The following PDE3B variants were observed in gnomAD, a reference collection of about 807,000 sequenced individuals.
PDE3B encodes phosphodiesterase 3B.
PDE3B carries 66 observed loss-of-function variants against 116.8 expected under a neutral mutation model. The observed-to-expected ratio is 0.56, with a 90% confidence interval of 0.46 to 0.69. PDE3B has a LOEUF of 0.69. Among genes scored for constraint, PDE3B ranks in the 30% least tolerant of loss-of-function variants. PDE3B has a pLI of 0.00. For synonymous variants in PDE3B, 595 were observed against 533.6 expected (o/e 1.12, Z -1.59); for missense variants, 1,384 against 1,368.1 (o/e 1.01, Z -0.18).
At chr11:14,647,967 C>T (rs1590027786) in intron 1 of PDE3B, among the ~76,000 whole-genome samples, 1 of 149,570 alleles carries the variant, frequency 6.7e-6, no homozygotes, top group African/African-American at 2.5e-5. Context: ...GATTTGAAGC[C>T]CAAATCTAGG....
At chr11:14,836,968 C>T (rs187841888) in intron 11 of PDE3B, among the ~76,000 whole-genome samples, 8 of 152,338 alleles carry the variant, frequency 5.3e-5, no homozygotes, top group Admixed American at 3.9e-4. Flanking sequence ...TGCACGCTGC[C>T]ATGCCTGGCT....
At chr11:14,831,848 A>T in intron 9 of PDE3B, 71 bp downstream of exon 9, 1 of 1,089,064 alleles carries the variant, frequency 9.2e-7, no homozygotes, top group Non-Finnish European at 1.4e-6. Context: ...AGCAAAATCT[A>T]ATATGTAATG....
chr11:14,643,927 G>T lies in PDE3B; in HGVS notation c.-149G>T. 1 of 1,202,142 alleles carries T rather than the reference G, an allele frequency of 8.3e-7. No individual in the cohort carries two copies. The highest frequency in any genetic ancestry group is 1.1e-6 in the Non-Finnish European group (1 of 925,698). The allele number at this position is 1,202,142 out of a possible 1,614,324, so 74.5% of individuals were successfully genotyped here. ...CCGCCGCTCCTCAGTCCGCGCGGTGGGGACCCCGGGCCGTGGCGGCCGGCG... is the reference window on the plus strand; with the variant it reads ...CCGCCGCTCCTCAGTCCGCGCGGTGTGGACCCCGGGCCGTGGCGGCCGGCG... On this transcript the variant is annotated 5_prime_UTR_variant, in exon 1 of 16. Transcript: ENST00000282096.
intron 1 of PDE3B, among the ~76,000 whole-genome samples, chr11:14,672,654 G>A (rs1854407687): frequency 6.6e-6 from 1 of 152,094 alleles, no homozygotes; most frequent in Admixed American, 6.5e-5. Context: ...CTTCCTTTAT[G>A]TTGCTCTGCC....
chr11:14,892,019 G>A, the PDE3B span: 13 of 1,613,200 alleles, frequency 8.1e-6, no homozygotes, highest in South Asian at 1.3e-4. Flanking sequence ...ATGTAGACAT[G>A]GGGAAGCTCG....
At chr11:14,742,814 T>A (rs1856807961) in intron 1 of PDE3B, among the ~76,000 whole-genome samples, 1 of 152,094 alleles carries the variant, frequency 6.6e-6, no homozygotes, top group Non-Finnish European at 1.5e-5. Context: ...CTTCTGACAG[T>A]CAGGCCCCTA....
chr11:14,892,127 C>A, the PDE3B span: 1 of 1,611,588 alleles, frequency 6.2e-7, no homozygotes, highest in Non-Finnish European at 8.5e-7. Context: ...AGCTGGCGGA[C>A]CCCTAGCGCG....
At chr11:14,739,511 A>C (rs541757545) in intron 1 of PDE3B, among the ~76,000 whole-genome samples, 1 of 152,268 alleles carries the variant, frequency 6.6e-6, no homozygotes, top group East Asian at 1.9e-4. Flanking sequence ...GGCTGAGATG[A>C]TGGGTTTTTC....
chr11:14,730,560 C>T (rs1486423911), intron 1 of PDE3B, among the ~76,000 whole-genome samples: 1 of 152,134 alleles, frequency 6.6e-6, no homozygotes. Context: ...CATGATATTA[C>T]TCTGGATGTT....
rs958938537 is a variant in PDE3B at position 14,692,975 on chromosome 11, G to T, written c.978+47922G>T. 2.0e-5 allele frequency among the ~76,000 whole-genome samples: 3 copies of T among 152,186 alleles called. No individual in the cohort carries two copies. In the South Asian group the frequency reaches 6.2e-4, roughly 31 times the overall value. ...GTCAAGCTGTGAATGCAAAGGAAAAGTTCTTGAAGGAAATTAAAAGCGCTT... is the reference window on the plus strand; with the variant it reads ...GTCAAGCTGTGAATGCAAAGGAAAATTTCTTGAAGGAAATTAAAAGCGCTT... On this transcript the variant is annotated intron_variant, in intron 1 of 15. Transcript: ENST00000282096.
intron 12 of PDE3B, among the ~76,000 whole-genome samples, chr11:14,857,940 CTT>C (rs1348871147): frequency 6.6e-6 from 1 of 151,946 alleles, no homozygotes; most frequent in Non-Finnish European, 1.5e-5. Context: ...GAAGCTTACT[CTT>C]TCTGTTTGGT....
the PDE3B span, among the ~76,000 whole-genome samples, chr11:14,889,871 G>A: frequency 6.6e-6 from 1 of 152,152 alleles, no homozygotes; most frequent in Non-Finnish European, 1.5e-5. Context: ...GCTCACACCT[G>A]TAATCCCAGC....
intron 1 of PDE3B, among the ~76,000 whole-genome samples, chr11:14,685,446 CTTTTTTTTTTTTT>C (rs71044017): frequency 2.3e-5 from 2 of 86,308 alleles, no homozygotes; most frequent in Non-Finnish European, 2.4e-5. Context: ...TTTTTCTCAT[CTTTTTTTTTTTTT>C]TTTTTTTTTT....
At chr11:14,795,582 A>T (rs1423142791) in intron 4 of PDE3B, among the ~76,000 whole-genome samples, 1 of 152,174 alleles carries the variant, frequency 6.6e-6, no homozygotes, top group Non-Finnish European at 1.5e-5. Flanking sequence ...TGAATGTATG[A>T]TATACTGAAA....
intron 5 of PDE3B, among the ~76,000 whole-genome samples, chr11:14,807,415 A>G (rs1169494622): frequency 6.6e-6 from 1 of 152,186 alleles, no homozygotes; most frequent in Admixed American, 6.5e-5. Context: ...AAAACAGTAA[A>G]AAGTTCTAAT....
At chr11:14,785,367 T>G (rs1858157600) in intron 2 of PDE3B, among the ~76,000 whole-genome samples, 1 of 152,064 alleles carries the variant, frequency 6.6e-6, no homozygotes, top group African/African-American at 2.4e-5. Flanking sequence ...TAATACATAT[T>G]AACACTTCAT....
chr11:14,687,682 GA>G (rs1234115566), intron 1 of PDE3B, among the ~76,000 whole-genome samples: 1 of 152,118 alleles, frequency 6.6e-6, no homozygotes, highest in Non-Finnish European at 1.5e-5. Context: ...ATAGTTTACA[GA>G]GCTACAAAAA....
chr11:14,891,717 G>C, the PDE3B span: 1 of 1,266,424 alleles, frequency 7.9e-7, no homozygotes, highest in Non-Finnish European at 1.0e-6. Flanking sequence ...TCGAGCGGTA[G>C]CGGGAAAATC....
intron 5 of PDE3B, among the ~76,000 whole-genome samples, chr11:14,810,398 A>G (rs1252834339): frequency 6.9e-6 from 1 of 144,926 alleles, no homozygotes; most frequent in Non-Finnish European, 1.5e-5. Context: ...ATTCCCACCT[A>G]CAAGTGAGAA....
Sources: gnomAD v4.1 joint callset for allele counts (sites outside exome capture counted in the v4.1 genomes callset) on GRCh38, gnomAD v4.1.1 for gene constraint, MANE v1.5 for transcripts, NCBI Gene and HGNC (gene_info 2026-07-23, HGNC 2026-07-21) for gene names.